GLIS3: variants seen among roughly 807,000 people sequenced by gnomAD.
The protein encoded by GLIS3 is zinc finger protein GLIS3.
Under a neutral mutation model 78.6 loss-of-function variants are expected in GLIS3, and 53 were observed. The observed-to-expected ratio is 0.67, with a 90% CI of 0.54 to 0.85. The LOEUF (loss-of-function observed/expected upper bound fraction) is 0.85. Among genes scored for constraint, GLIS3 ranks in the 40% least tolerant of loss-of-function variants. The pLI is 0.00. For missense variants in GLIS3, 1,703 were observed against 1,231.1 expected, an observed-to-expected ratio of 1.38 and a Z score of -5.74; for synonymous variants, 684 against 509.9, an observed-to-expected ratio of 1.34 and a Z score of -4.60.
At chr9:4,404,288 C>G in the GLIS3 span, among the ~76,000 whole-genome samples, 1 of 152,080 alleles carries the variant, frequency 6.6e-6, no homozygotes, top group African/African-American at 2.4e-5. Context: ...ACTTCAACAC[C>G]CCACTTTCAG....
chr9:4,265,628 G>C (rs1247681095), intron 2 of GLIS3, among the ~76,000 whole-genome samples: 1 of 152,122 alleles, frequency 6.6e-6, no homozygotes, highest in Non-Finnish European at 1.5e-5. Context: ...ATTTAATTAA[G>C]TCACAAGAAC....
chr9:4,254,426 G>A (rs1824713118), intron 2 of GLIS3, among the ~76,000 whole-genome samples: 2 of 152,180 alleles, frequency 1.3e-5, no homozygotes, highest in Admixed American at 6.5e-5. Context: ...GAGAAGACTA[G>A]CCATTATAAA....
chr9:4,166,932 G>C (rs1815896790), intron 2 of GLIS3, among the ~76,000 whole-genome samples: 1 of 152,152 alleles, frequency 6.6e-6, no homozygotes, highest in Non-Finnish European at 1.5e-5. Flanking sequence ...CTAAACCAAG[G>C]TTAAAAACAA....
chr9:4,348,971 A>G (rs769825845), upstream of GLIS3, among the ~76,000 whole-genome samples: 6 of 152,202 alleles, frequency 3.9e-5, no homozygotes, highest in Non-Finnish European at 8.8e-5. Flanking sequence ...ATTTGTACTC[A>G]GCAAACATCC....
intron 4 of GLIS3, among the ~76,000 whole-genome samples, chr9:4,307,021 A>T (rs1817242284): frequency 6.6e-6 from 1 of 152,208 alleles, no homozygotes; most frequent in Non-Finnish European, 1.5e-5. Context: ...GGAGAAAGTG[A>T]AGGTGGCAAG....
At chr9:4,419,374 A>G in the GLIS3 span, among the ~76,000 whole-genome samples, 5 of 152,338 alleles carry the variant, frequency 3.3e-5, no homozygotes, top group African/African-American at 1.2e-4. Context: ...TGCAGGCTGT[A>G]CAGGAAGCAT....
the GLIS3 span, among the ~76,000 whole-genome samples, chr9:4,411,632 C>T: frequency 6.6e-6 from 1 of 152,100 alleles, no homozygotes; most frequent in African/African-American, 2.4e-5. Flanking sequence ...TTTAGAAAAT[C>T]CATATTTTTG....
chr9:4,399,662 T>C, the GLIS3 span, among the ~76,000 whole-genome samples: 1 of 152,194 alleles, frequency 6.6e-6, no homozygotes, highest in Non-Finnish European at 1.5e-5. Flanking sequence ...TTATTTTTTT[T>C]CCTCAAGACT....
chr9:4,304,713 A>C (rs1018248223), upstream of GLIS3, among the ~76,000 whole-genome samples: 1 of 152,182 alleles, frequency 6.6e-6, no homozygotes, highest in Non-Finnish European at 1.5e-5. Flanking sequence ...TTTGGGGCAG[A>C]ATTAAGCTCT....
intron 6 of GLIS3, among the ~76,000 whole-genome samples, chr9:3,919,963 A>G (rs1205507393): frequency 1.3e-5 from 2 of 151,684 alleles, no homozygotes; most frequent in Admixed American, 6.6e-5. Flanking sequence ...AACTAAGGAG[A>G]ATAAAAATAG....
intron 2 of GLIS3, among the ~76,000 whole-genome samples, chr9:4,278,392 T>C (rs1173443790): frequency 6.6e-6 from 1 of 152,166 alleles, no homozygotes; most frequent in Non-Finnish European, 1.5e-5. Context: ...CTAGAACATC[T>C]TGTTATGCCT....
At chr9:4,468,586 G>C in the GLIS3 span, among the ~76,000 whole-genome samples, 1 of 152,214 alleles carries the variant, frequency 6.6e-6, no homozygotes, top group African/African-American at 2.4e-5. Context: ...AGCAAATGCT[G>C]AGAGATTCTG....
At chr9:3,991,384 A>C (rs984565329) in intron 4 of GLIS3, among the ~76,000 whole-genome samples, 1 of 152,208 alleles carries the variant, frequency 6.6e-6, no homozygotes, top group African/African-American at 2.4e-5. Flanking sequence ...AAGTCTGAAG[A>C]GACATTAAGT....
intron 2 of GLIS3, among the ~76,000 whole-genome samples, chr9:4,165,015 T>C (rs1214673265): frequency 1.3e-5 from 2 of 152,206 alleles, no homozygotes; most frequent in Non-Finnish European, 2.9e-5. Context: ...ACTGGGTTAC[T>C]GGGACTTGTG....
At chr9:3,948,344 T>C (rs1816437336) in intron 4 of GLIS3, among the ~76,000 whole-genome samples, 1 of 152,178 alleles carries the variant, frequency 6.6e-6, no homozygotes, top group African/African-American at 2.4e-5. Context: ...TCTCTCACAT[T>C]TTACCCCTTC....
At chr9:4,129,104 G>C (rs1398635955) in intron 2 of GLIS3, among the ~76,000 whole-genome samples, 1 of 152,170 alleles carries the variant, frequency 6.6e-6, no homozygotes, top group Non-Finnish European at 1.5e-5. Context: ...AAACAAGTCT[G>C]ACCAAGAACC....
At chr9:4,093,574 G>C (rs1247708529) in intron 4 of GLIS3, among the ~76,000 whole-genome samples, 1 of 152,154 alleles carries the variant, frequency 6.6e-6, no homozygotes, top group Non-Finnish European at 1.5e-5. Flanking sequence ...AACTGGCAAG[G>C]AGCAAATGCT....
At chr9:4,171,726 T>C (rs1224097057) in intron 2 of GLIS3, among the ~76,000 whole-genome samples, 3 of 152,204 alleles carry the variant, frequency 2.0e-5, no homozygotes, top group Non-Finnish European at 2.9e-5. Flanking sequence ...TCTTTTGATA[T>C]GGATTAAGCT....
Position 3,999,493 on chromosome 9 carries a change from C to T in GLIS3, c.1711-62304G>A, listed in dbSNP as rs558005654. 4.6e-5 allele frequency among the ~76,000 whole-genome samples: 7 copies of T among 151,900 alleles called. No individual in the cohort carries two copies. The South Asian group carries it at 8.3e-4, about 18-fold the overall frequency. On this transcript the variant is annotated intron_variant, in intron 4 of 10. Coordinates refer to ENST00000381971, the MANE Select transcript of GLIS3 (RefSeq NM_001042413.2). ...TTTAATATTTAATTTTTAAAAGTTA[C>T]CATGTATAAAACAATAATGAAAATT...
Sources: gnomAD v4.1 joint callset for allele counts (sites outside exome capture counted in the v4.1 genomes callset) on GRCh38, gnomAD v4.1.1 for gene constraint, MANE v1.5 for transcripts, NCBI Gene and HGNC (gene_info 2026-07-23, HGNC 2026-07-21) for gene names.